The following ADGRA3 variants were observed in gnomAD, a reference collection of about 807,000 sequenced individuals.
The protein encoded by ADGRA3 is G-protein coupled receptor 125.
Under a neutral mutation model 119.8 loss-of-function variants are expected in ADGRA3, and 56 were observed. The observed-to-expected ratio is 0.47, with a 90% CI of 0.38 to 0.58. The LOEUF is 0.58. ADGRA3 is among the 20% of genes least tolerant of loss of function. ADGRA3 has a pLI of 0.00. For synonymous variants in ADGRA3, 607 were observed against 623.8 expected (o/e 0.97, Z 0.40); for missense variants, 1,516 against 1,649.0 (o/e 0.92, Z 1.40).
At chr4:22,515,447 G>C (rs77908511) in intron 1 of ADGRA3, 81 bp downstream of exon 1, 2 of 1,508,786 alleles carry the variant, frequency 1.3e-6, no homozygotes, top group African/African-American at 1.4e-5. Flanking sequence ...GTGGGTGCCG[G>C]CTGGACCCTG....
At chr4:22,418,415 A>T (rs566568936) in intron 12 of ADGRA3, among the ~76,000 whole-genome samples, 4 of 152,238 alleles carry the variant, frequency 2.6e-5, no homozygotes, top group South Asian at 4.2e-4. Flanking sequence ...GATTAGGCAA[A>T]ATTTCTTGGA....
chr4:22,414,399 T>A, intron 12 of ADGRA3: 1 of 461,550 alleles, frequency 2.2e-6, no homozygotes. Flanking sequence ...CAACTGAAAA[T>A]GCTGACTGAT....
At chr4:22,398,567 T>C (rs1290971077) in intron 16 of ADGRA3, among the ~76,000 whole-genome samples, 4 of 152,156 alleles carry the variant, frequency 2.6e-5, no homozygotes, top group Non-Finnish European at 5.9e-5. Context: ...CTCCCTTGCT[T>C]TCTCTTTTAT....
intron 7 of ADGRA3, 145 bp from the exon 8 acceptor site, chr4:22,438,565 A>T: frequency 1.5e-6 from 1 of 659,406 alleles, no homozygotes; most frequent in Non-Finnish European, 2.5e-6. Context: ...AATTTAAAAA[A>T]TGATTCCTTC....
chr4:22,464,861 G>A (rs1471545373), intron 2 of ADGRA3, among the ~76,000 whole-genome samples: 1 of 152,212 alleles, frequency 6.6e-6, no homozygotes, highest in Non-Finnish European at 1.5e-5. Flanking sequence ...CTGCCCTAAC[G>A]GCTGCCCTTG....
intron 1 of ADGRA3, among the ~76,000 whole-genome samples, chr4:22,506,591 C>T (rs1023896754): frequency 6.6e-6 from 1 of 152,062 alleles, no homozygotes; most frequent in African/African-American, 2.4e-5. Context: ...AAAAGCAAAG[C>T]TTAGTATCTG....
At chr4:22,462,691 T>G (rs140192185) in intron 2 of ADGRA3, among the ~76,000 whole-genome samples, 2 of 152,322 alleles carry the variant, frequency 1.3e-5, no homozygotes, top group East Asian at 3.9e-4. Flanking sequence ...AAAGCAAAGA[T>G]GCACAAGCTT....
rs769272862 is a variant in ADGRA3, at chr4:22,388,425, C to T, written c.3246G>A (p.Thr1082=). The T allele has an allele frequency of 1.2e-6, 2 of 1,614,052 alleles. No individual in the cohort carries two copies. The highest frequency in any genetic ancestry group is 2.2e-5 in the East Asian group (1 of 44,838). The change falls in exon 19 of 19, where the codon ACG becomes ACA. Residue 1082 remains threonine, a synonymous_variant. Coordinates refer to ENST00000334304, the MANE Select transcript of ADGRA3 (RefSeq NM_145290.4). ...TGGGGCATTTGGGTGCCTCTCCATT[C>T]GTCCCATTAGAGTTGGGGGGCTGGA... ...VNVQPPNSNG[T]NGEAPKCPNS... is the part of the protein sequence containing the mutation.
intron 1 of ADGRA3, among the ~76,000 whole-genome samples, chr4:22,495,922 G>T (rs892155857): frequency 2.0e-5 from 3 of 151,196 alleles, no homozygotes; most frequent in African/African-American, 7.3e-5. Context: ...AAAAAAAAAA[G>T]TATCAGAGTT....
At chr4:22,472,245 C>T (rs191980012) in intron 2 of ADGRA3, among the ~76,000 whole-genome samples, 1 of 152,138 alleles carries the variant, frequency 6.6e-6, no homozygotes, top group Non-Finnish European at 1.5e-5. Context: ...TTGCAGGGAA[C>T]AGAAAACATA....
intron 17 of ADGRA3, among the ~76,000 whole-genome samples, 174 bp downstream of exon 17, chr4:22,392,371 T>C (rs960497420): frequency 5.3e-5 from 8 of 152,090 alleles, no homozygotes; most frequent in African/African-American, 1.9e-4. Flanking sequence ...GGTACAGAAG[T>C]TGTCTGAGGA....
intron 1 of ADGRA3, among the ~76,000 whole-genome samples, chr4:22,475,630 C>T (rs567545435): frequency 3.3e-5 from 5 of 151,784 alleles, no homozygotes; most frequent in East Asian, 3.9e-4. Flanking sequence ...GGGAGGCTGA[C>T]GCAGGAGAAT....
At chr4:22,402,621 A>G in intron 15 of ADGRA3, 54 bp downstream of exon 15, 1 of 1,567,452 alleles carries the variant, frequency 6.4e-7, no homozygotes. Flanking sequence ...AATGTGAAAT[A>G]AAGTCCTTCA....
chr4:22,514,040 C>A (rs1354458050), intron 1 of ADGRA3, among the ~76,000 whole-genome samples: 1 of 152,054 alleles, frequency 6.6e-6, no homozygotes, highest in Non-Finnish European at 1.5e-5. Context: ...CCTAATCCAG[C>A]TGAAATTGTG....
At chr4:22,395,390 CAATT>C (rs1378960261) in intron 16 of ADGRA3, among the ~76,000 whole-genome samples, 1 of 152,082 alleles carries the variant, frequency 6.6e-6, no homozygotes, top group Non-Finnish European at 1.5e-5. Context: ...AATATGTAAA[CAATT>C]AAAATATTAA....
chr4:22,399,753 A>C (rs1714534393), intron 16 of ADGRA3, among the ~76,000 whole-genome samples: 1 of 152,152 alleles, frequency 6.6e-6, no homozygotes, highest in Non-Finnish European at 1.5e-5. Flanking sequence ...GATGACTAGA[A>C]GACAGTCTTC....
At chr4:22,472,802 G>A (rs373877622) in intron 2 of ADGRA3, among the ~76,000 whole-genome samples, 25 of 152,218 alleles carry the variant, frequency 1.6e-4, no homozygotes, top group East Asian at 1.4e-3. Flanking sequence ...AGAAAAATGA[G>A]GACAGTGTGT....
At chr4:22,476,846 T>C (rs1718062631) in intron 1 of ADGRA3, among the ~76,000 whole-genome samples, 1 of 151,996 alleles carries the variant, frequency 6.6e-6, no homozygotes, top group Admixed American at 6.6e-5. Flanking sequence ...TTTGTATTTT[T>C]AGTAGAGACA....
chr4:22,392,911 C>T lies in ADGRA3; in HGVS notation c.2482-221G>A, dbSNP rs141054840. On this transcript the variant is annotated intron_variant, in intron 16 of 18. Coordinates refer to ENST00000334304, the MANE Select transcript of ADGRA3 (RefSeq NM_145290.4). ...AAACCAACAATTGGCTCTAGGAAGC[C>T]CACAAACTACCATTTATACCAAAGA... 1.0e-3 allele frequency: 481 copies of T among 460,606 alleles called. 4 individuals carry two copies. The highest frequency in any genetic ancestry group is 8.3e-3 in the African/African-American group (423 of 50,676). 28.5% of individuals were successfully genotyped at this position (460,606 alleles called of 1,614,324 possible).
Sources: gnomAD v4.1 joint callset for allele counts (sites outside exome capture counted in the v4.1 genomes callset) on GRCh38, gnomAD v4.1.1 for gene constraint, MANE v1.5 for transcripts, NCBI Gene and HGNC (gene_info 2026-07-23, HGNC 2026-07-21) for gene names.